The following PDCL variants were observed in gnomAD, a reference collection of about 807,000 sequenced individuals.
PDCL encodes phosducin-like protein.
Under a neutral mutation model 26.7 loss-of-function variants are expected in PDCL, and 11 were observed. The observed-to-expected ratio is 0.41, with a 90% CI of 0.26 to 0.68. The LOEUF is 0.68. PDCL is among the 30% of genes least tolerant of loss of function. The pLI is 0.30. For synonymous variants in PDCL, 118 were observed against 134.9 expected (o/e 0.87, Z 0.87); for missense variants, 330 against 371.6 (o/e 0.89, Z 0.92).
Position 122,819,029 on chromosome 9 carries a change from A to G in PDCL, c.*1056T>C, listed in dbSNP as rs1397235037. On this transcript the variant is annotated 3_prime_UTR_variant, in exon 4 of 4. Coordinates refer to ENST00000259467, the MANE Select transcript of PDCL (RefSeq NM_005388.5). ...AAAAAGTTGTAGAATATTTAATAAT[A>G]TAAAAAAAGGTCTGATATATTATTA... 1 of 152,094 alleles carries G rather than the reference A, an allele frequency of 6.6e-6. No homozygotes were observed. The highest frequency in any genetic ancestry group is 1.5e-5 in the Non-Finnish European group (1 of 68,002). 9.4% of individuals were successfully genotyped at this position (152,094 alleles called of 1,614,324 possible). A position where few individuals can be genotyped will look rare whatever the true frequency, so the allele number is the denominator to read the frequency against.
intron 2 of PDCL, among the ~76,000 whole-genome samples, chr9:122,824,973 T>C (rs1474866889): frequency 6.6e-6 from 1 of 152,006 alleles, no homozygotes; most frequent in Non-Finnish European, 1.5e-5. Flanking sequence ...ATTCAGTACA[T>C]AATAAAAGTG....
intron 2 of PDCL, 129 bp downstream of exon 2, chr9:122,826,487 G>A: frequency 1.4e-6 from 1 of 733,284 alleles, no homozygotes; most frequent in Non-Finnish European, 2.1e-6. Context: ...GAAAAGACTA[G>A]GTTACCTCTG....
Position 122,823,010 on chromosome 9 carries a change from A to G in PDCL, c.354+6T>C, listed in dbSNP as rs759922060. On this transcript the variant is annotated splice_donor_region_variant and intron_variant, in intron 3 of 3. Transcript: ENST00000259467. ...CTCTAAGAAAAGCCTGAGTACTGCTAATTACCTTCCCACTGATCTTCTCCT... is the reference window on the plus strand; with the variant it reads ...CTCTAAGAAAAGCCTGAGTACTGCTGATTACCTTCCCACTGATCTTCTCCT... 2 of 1,613,248 alleles carry G rather than the reference A, an allele frequency of 1.2e-6. No homozygotes were observed. Among genetic ancestry groups the G allele is most frequent in the Non-Finnish European group, 1.7e-6 (2 of 1,179,170 alleles).
In PDCL at chr9:122,826,602, G is replaced by A; in HGVS notation, c.172+14C>T. ...TTTTTAAGCCTGTTCCCAGAGCCCA[G>A]GGTTTCTCAGTACCTGTGTTAACTG... On this transcript the variant is annotated intron_variant, in intron 2 of 3. Transcript: ENST00000259467. 6.2e-7 allele frequency: 1 copy of A among 1,609,620 alleles called. No homozygotes were observed. Among genetic ancestry groups the A allele is most frequent in the Non-Finnish European group, 8.5e-7 (1 of 1,177,448 alleles).
At chr9:122,822,552 C>T (rs1049150915) in intron 3 of PDCL, among the ~76,000 whole-genome samples, 3 of 152,270 alleles carry the variant, frequency 2.0e-5, no homozygotes, top group South Asian at 2.1e-4. Flanking sequence ...AGAACCCTAG[C>T]GCCTACTAGA....
At chr9:122,822,226 G>T (rs1010602825) in intron 3 of PDCL, among the ~76,000 whole-genome samples, 4 of 152,116 alleles carry the variant, frequency 2.6e-5, no homozygotes, top group African/African-American at 9.7e-5. Context: ...GGCATCCAGA[G>T]AAACAGTGAA....
Position 122,823,176 on chromosome 9 carries a change from T to G in PDCL, c.194A>C (p.Asp65Ala). Residue 65 changes from aspartate (D) to alanine (A), a missense_variant, in exon 3 of 4, where the codon GAC (aspartate) becomes GCC (alanine). Asp to Ala is a moderately radical substitution (Grantham distance 126). Transcript: ENST00000259467. ...CTCCAACTGCTTGAAGCGGCGCCAGTCATTGATCACACCTTTTGGGCCTGA... is the reference window on the plus strand; with the variant it reads ...CTCCAACTGCTTGAAGCGGCGCCAGGCATTGATCACACCTTTTGGGCCTGA... ...VNTGPKGVIN[D>A]WRRFKQLETE... 6.2e-7 allele frequency: 1 copy of G among 1,614,088 alleles called. No individual in the cohort carries two copies. Among genetic ancestry groups the G allele is most frequent in the Non-Finnish European group, 8.5e-7 (1 of 1,180,022 alleles).
chr9:122,824,526 G>A lies in PDCL; in HGVS notation c.173-1329C>T, dbSNP rs906434846. Among the ~76,000 whole-genome samples, 11 of 152,280 alleles carry A rather than the reference G, an allele frequency of 7.2e-5. No individual in the cohort carries two copies. In the South Asian group the frequency reaches 2.1e-3, roughly 29 times the overall value. ...TTGACCTACAGGCTGCATGTAACGTGAATGAGAAATAAACCTTTGTTGCCA... is the reference window on the plus strand; with the variant it reads ...TTGACCTACAGGCTGCATGTAACGTAAATGAGAAATAAACCTTTGTTGCCA... On this transcript the variant is annotated intron_variant, in intron 2 of 3. Coordinates refer to ENST00000259467, the MANE Select transcript of PDCL (RefSeq NM_005388.5).
chr9:122,823,481 G>C (rs1829581401), intron 2 of PDCL, among the ~76,000 whole-genome samples: 1 of 152,126 alleles, frequency 6.6e-6, no homozygotes, highest in East Asian at 1.9e-4. Context: ...AAGCAGCTCT[G>C]TGTTTCCTGC....
intron 3 of PDCL, 56 bp from the exon 4 acceptor site, chr9:122,820,692 A>AG: frequency 1.4e-6 from 2 of 1,473,762 alleles, no homozygotes. Flanking sequence ...TCGTGATAAC[A>AG]GTTAATATGG....
chr9:122,823,021 C>A lies in PDCL; in HGVS notation c.349G>T (p.Gly117Trp). Residue 117 changes from glycine (G) to tryptophan (W), a missense_variant, in exon 3 of 4, where the codon GGG (glycine) becomes TGG (tryptophan). Coordinates refer to ENST00000259467, the MANE Select transcript of PDCL (RefSeq NM_005388.5). ...GCCTGAGTACTGCTAATTACCTTCC[C>A]ACTGATCTTCTCCTGGAGGTCTTTC... ...KQKDLQEKIS[G>W]KMTLKEFAIM... is the part of the protein sequence containing the mutation. 6.2e-7 allele frequency: 1 copy of A among 1,613,962 alleles called. No homozygotes were observed. The highest frequency in any genetic ancestry group is 8.5e-7 in the Non-Finnish European group (1 of 1,179,834).
intron 3 of PDCL, 127 bp from the exon 4 acceptor site, chr9:122,820,763 C>A: frequency 1.5e-6 from 1 of 652,500 alleles, no homozygotes. Context: ...ACGAGCGGAT[C>A]ACTTGAGGTC....
In PDCL at chr9:122,823,204, A is replaced by G; in HGVS notation, c.173-7T>C. On this transcript the variant is annotated splice_polypyrimidine_tract_variant and splice_region_variant and intron_variant, in intron 2 of 3. Coordinates refer to ENST00000259467, the MANE Select transcript of PDCL (RefSeq NM_005388.5). ...TTGATCACACCTTTTGGGCCTGAGT[A>G]GGGTGAACACGGATGTGACCAAGGA... The G allele has an allele frequency of 6.2e-7, 1 of 1,614,002 alleles. No individual in the cohort carries two copies. Among genetic ancestry groups the G allele is most frequent in the Non-Finnish European group, 8.5e-7 (1 of 1,179,976 alleles).
In PDCL at chr9:122,819,891, C is replaced by T. The variant is rs932492800; in HGVS notation, c.*194G>A. 3.7e-5 allele frequency: 18 copies of T among 488,944 alleles called. No individual in the cohort carries two copies. Among genetic ancestry groups the T allele is most frequent in the Non-Finnish European group, 6.0e-5 (17 of 281,032 alleles). The allele number at this position is 488,944 out of a possible 1,614,324, so 30.3% of individuals were successfully genotyped here. On this transcript the variant is annotated 3_prime_UTR_variant, in exon 4 of 4. Coordinates refer to ENST00000259467, the MANE Select transcript of PDCL (RefSeq NM_005388.5). ...TCAAAAGCCTGGCTTCCTGTTTATA[C>T]AACTGTAAGTCACCTTATTGCTAGC...
intron 3 of PDCL, among the ~76,000 whole-genome samples, chr9:122,820,991 C>T (rs1343082693): frequency 1.3e-5 from 2 of 151,658 alleles, no homozygotes; most frequent in Non-Finnish European, 2.9e-5. Flanking sequence ...GGGTGATACC[C>T]TGTCTCCAAA....
intron 2 of PDCL, among the ~76,000 whole-genome samples, chr9:122,825,351 G>A (rs1829610858): frequency 2.6e-5 from 4 of 151,832 alleles, no homozygotes; most frequent in Non-Finnish European, 5.9e-5. Flanking sequence ...TAGTAGAGAC[G>A]GGATTTCACT....
intron 2 of PDCL, among the ~76,000 whole-genome samples, chr9:122,824,462 C>A (rs1347204341): frequency 6.6e-6 from 1 of 152,132 alleles, no homozygotes; most frequent in Admixed American, 6.5e-5. Context: ...AGCCTAGCTC[C>A]TAGATGAAAG....
rs779123002 is a variant in PDCL at position 122,823,007 on chromosome 9, G to A, written c.354+9C>T. The stretch of plus-strand genomic sequence containing the variant: ...AGACTCTAAGAAAAGCCTGAGTACT[G>A]CTAATTACCTTCCCACTGATCTTCT... On this transcript the variant is annotated intron_variant, in intron 3 of 3. Coordinates refer to ENST00000259467, the MANE Select transcript of PDCL (RefSeq NM_005388.5). 22 of 1,612,642 alleles carry A rather than the reference G, an allele frequency of 1.4e-5. No homozygotes were observed. In the African/African-American group the frequency reaches 2.1e-4, roughly 16 times the overall value.
Position 122,822,998 on chromosome 9 carries a change from C to G in PDCL, c.354+18G>C. 1 of 1,609,670 alleles carries G rather than the reference C, an allele frequency of 6.2e-7. No homozygotes were observed. Among genetic ancestry groups the G allele is most frequent in the Non-Finnish European group, 8.5e-7 (1 of 1,175,944 alleles). Reference sequence around the variant, plus strand: ...AGCCACAGCAGACTCTAAGAAAAGCCTGAGTACTGCTAATTACCTTCCCAC... The same window carrying G: ...AGCCACAGCAGACTCTAAGAAAAGCGTGAGTACTGCTAATTACCTTCCCAC... On this transcript the variant is annotated intron_variant, in intron 3 of 3. Transcript: ENST00000259467.
Sources: gnomAD v4.1 joint callset for allele counts (sites outside exome capture counted in the v4.1 genomes callset) on GRCh38, gnomAD v4.1.1 for gene constraint, MANE v1.5 for transcripts, NCBI Gene and HGNC (gene_info 2026-07-23, HGNC 2026-07-21) for gene names.